GATAD2B: variants seen among roughly 807,000 people sequenced by gnomAD.
GATAD2B encodes transcriptional repressor p66-beta.
GATAD2B carries 8 observed loss-of-function variants against 64.3 expected under a neutral mutation model. The observed-to-expected ratio is 0.12, with a 90% CI of 0.07 to 0.22. GATAD2B has a LOEUF of 0.22. Among genes scored for constraint, GATAD2B ranks in the 10% least tolerant of loss-of-function variants. GATAD2B has a pLI of 1.00. For missense variants in GATAD2B, 453 were observed against 752.0 expected, an observed-to-expected ratio of 0.60 and a Z score of 4.65; for synonymous variants, 281 against 271.3, an observed-to-expected ratio of 1.04 and a Z score of -0.35.
intron 1 of GATAD2B, among the ~76,000 whole-genome samples, chr1:153,862,522 C>T (rs955011435): frequency 3.9e-5 from 6 of 152,080 alleles, no homozygotes; most frequent in African/African-American, 1.4e-4. Flanking sequence ...AATCAGTCTT[C>T]TTGGGGCTTG....
intron 8 of GATAD2B, 78 bp from the exon 9 acceptor site, chr1:153,812,210 A>T: frequency 1.4e-6 from 1 of 722,254 alleles, no homozygotes; most frequent in Non-Finnish European, 2.3e-6. Context: ...TTTTTTTTTA[A>T]ACAGAGACAC....
At chr1:153,881,175 T>G (rs1267663120) in intron 1 of GATAD2B, among the ~76,000 whole-genome samples, 1 of 152,134 alleles carries the variant, frequency 6.6e-6, no homozygotes, top group Non-Finnish European at 1.5e-5. Context: ...ACATTCTCAT[T>G]GCTTTGCAGC....
chr1:153,883,131 T>C (rs1294638290), intron 1 of GATAD2B, among the ~76,000 whole-genome samples: 2 of 152,226 alleles, frequency 1.3e-5, no homozygotes, highest in East Asian at 3.8e-4. Context: ...ATTCACATCA[T>C]AATTACTGCC....
At chr1:153,854,573 T>C (rs1676016298) in intron 1 of GATAD2B, among the ~76,000 whole-genome samples, 2 of 152,258 alleles carry the variant, frequency 1.3e-5, no homozygotes, top group South Asian at 4.1e-4. Context: ...CAACTAGCTA[T>C]ACATTTTTAA....
intron 6 of GATAD2B, among the ~76,000 whole-genome samples, 182 bp downstream of exon 6, chr1:153,817,190 T>A (rs1002120634): frequency 2.6e-5 from 4 of 152,238 alleles, no homozygotes; most frequent in African/African-American, 9.6e-5. Flanking sequence ...CCACTACTAT[T>A]TTAATATAAT....
chr1:153,836,747 A>G (rs962207053), intron 1 of GATAD2B, among the ~76,000 whole-genome samples: 3 of 152,190 alleles, frequency 2.0e-5, no homozygotes, highest in African/African-American at 7.2e-5. Flanking sequence ...GTTTTGAGAT[A>G]TATTCACGTG....
At chr1:153,825,567 G>A (rs1050223082) in intron 2 of GATAD2B, among the ~76,000 whole-genome samples, 8 of 152,088 alleles carry the variant, frequency 5.3e-5, no homozygotes, top group African/African-American at 1.9e-4. Context: ...AGGAACACAG[G>A]TGTGTGCCAC....
intron 1 of GATAD2B, among the ~76,000 whole-genome samples, chr1:153,829,208 A>G (rs1674992324): frequency 6.6e-6 from 1 of 152,154 alleles, no homozygotes. Context: ...TCTCTCCAGG[A>G]AACAACAAAA....
At chr1:153,878,774 C>CTTTTT (rs71093297) in intron 1 of GATAD2B, among the ~76,000 whole-genome samples, 15 of 108,132 alleles carry the variant, frequency 1.4e-4, no homozygotes, top group Admixed American at 2.4e-4. Context: ...TACTTTATTC[C>CTTTTT]TTTTTTTTTT....
At chr1:153,859,364 CA>C (rs11327443) in intron 1 of GATAD2B, among the ~76,000 whole-genome samples, 132,772 of 140,652 alleles carry the variant, frequency 0.94, 63,020 homozygotes, top group East Asian at 1. Flanking sequence ...GACTTCACCT[CA>C]AAAAAAAAAA....
In GATAD2B at chr1:153,805,041, AG is replaced by A. The variant is rs1408957886; in HGVS notation, c.*5135del. ...CCCTCCCACCCACCCTATTCAGGGA[AG>A]GCCATTCCCCATCCCACCTCCCTGC... On this transcript the variant is annotated 3_prime_UTR_variant, in exon 11 of 11. Coordinates refer to ENST00000368655, the MANE Select transcript of GATAD2B (RefSeq NM_020699.4). The A allele has an allele frequency of 1.0e-5, 1 of 96,868 alleles. No individual in the cohort carries two copies. The highest frequency in any genetic ancestry group is 2.0e-5 in the Non-Finnish European group (1 of 49,324). 6.0% of individuals were successfully genotyped at this position (96,868 alleles called of 1,614,324 possible). A position where few individuals can be genotyped will look rare whatever the true frequency, so the allele number is the denominator to read the frequency against.
chr1:153,833,081 C>T (rs970090219), intron 1 of GATAD2B, among the ~76,000 whole-genome samples: 4 of 152,116 alleles, frequency 2.6e-5, no homozygotes, highest in Admixed American at 6.6e-5. Flanking sequence ...GTAGTGCACA[C>T]CAGTAGTCTC....
At chr1:153,838,178 C>G (rs568250439) in intron 1 of GATAD2B, among the ~76,000 whole-genome samples, 1 of 152,276 alleles carries the variant, frequency 6.6e-6, no homozygotes, top group East Asian at 1.9e-4. Context: ...ACACCCTTCT[C>G]AGAGCCAGAC....
chr1:153,869,220 A>C (rs1676581232), intron 1 of GATAD2B, among the ~76,000 whole-genome samples: 1 of 149,912 alleles, frequency 6.7e-6, no homozygotes, highest in Non-Finnish European at 1.5e-5. Flanking sequence ...TGAACCCGGG[A>C]GGCAGAGGTT....
At chr1:153,830,284 A>C (rs1308174897) in intron 1 of GATAD2B, among the ~76,000 whole-genome samples, 1 of 151,544 alleles carries the variant, frequency 6.6e-6, no homozygotes, top group Non-Finnish European at 1.5e-5. Context: ...AGTAGCTGGG[A>C]CTATGGGTGT....
chr1:153,841,193 T>C (rs191140101), intron 1 of GATAD2B, among the ~76,000 whole-genome samples: 11 of 151,856 alleles, frequency 7.2e-5, no homozygotes, highest in African/African-American at 2.7e-4. Flanking sequence ...GTACCCTTTA[T>C]CTAGTTTCCC....
intron 1 of GATAD2B, among the ~76,000 whole-genome samples, chr1:153,908,385 A>G (rs1198629245): frequency 1.3e-5 from 2 of 152,202 alleles, no homozygotes; most frequent in Non-Finnish European, 2.9e-5. Flanking sequence ...GACATTTACA[A>G]TCTGTCAGGC....
At chr1:153,850,475 T>C (rs769421329) in intron 1 of GATAD2B, among the ~76,000 whole-genome samples, 2 of 152,008 alleles carry the variant, frequency 1.3e-5, no homozygotes, top group Admixed American at 6.6e-5. Context: ...AATTTTTGTA[T>C]TTTCAGTAGA....
intron 1 of GATAD2B, among the ~76,000 whole-genome samples, chr1:153,838,927 T>C (rs1675370462): frequency 6.6e-6 from 1 of 151,916 alleles, no homozygotes; most frequent in African/African-American, 2.4e-5. Flanking sequence ...CTGGCCAGCA[T>C]GGCAAAAGCT....
Sources: allele counts gnomAD v4.1 joint callset (sites outside exome capture counted in the v4.1 genomes callset), GRCh38; gene constraint gnomAD v4.1.1; transcripts MANE v1.5; gene names NCBI Gene and HGNC (gene_info 2026-07-23, HGNC 2026-07-21).